Variants in GRK5 observed in about 807,000 individuals in gnomAD.
GRK5 encodes the protein G protein-coupled receptor kinase 5.
GRK5 carries 40 observed loss-of-function variants against 78.4 expected under a neutral mutation model. The observed-to-expected ratio is 0.51, with a 90% CI of 0.40 to 0.66. The LOEUF (loss-of-function observed/expected upper bound fraction) is 0.66, where lower values mean the gene tolerates loss of function less well. Among genes scored for constraint, GRK5 ranks in the 30% least tolerant of loss-of-function variants. The probability of loss-of-function intolerance (pLI) is 0.00; values close to 1 mark genes in which losing one functional copy is unlikely to be tolerated. For missense variants in GRK5, 598 were observed against 759.9 expected, an observed-to-expected ratio of 0.79 and a Z score of 2.50; for synonymous variants, 289 against 296.8, an observed-to-expected ratio of 0.97 and a Z score of 0.27.
At chr10:119,404,317 T>C (rs1852199406) in intron 4 of GRK5, among the ~76,000 whole-genome samples, 1 of 152,242 alleles carries the variant, frequency 6.6e-6, no homozygotes, top group Non-Finnish European at 1.5e-5. Context: ...GTAACTTCTG[T>C]GGGAAATGTC....
intron 1 of GRK5, among the ~76,000 whole-genome samples, chr10:119,307,205 A>G (rs1310863623): frequency 6.6e-6 from 1 of 152,102 alleles, no homozygotes; most frequent in Non-Finnish European, 1.5e-5. Context: ...TCCTGGAGTC[A>G]CACAGCTAGT....
Position 119,301,085 on chromosome 10 carries a change from T to C in GRK5, c.53-25431T>C, listed in dbSNP as rs556982996. ...TGCCACTGCACTCCAACCTGAGCAATAGAGGGAGACTCAGTCCCAAAAGAA... is the reference window on the plus strand; with the variant it reads ...TGCCACTGCACTCCAACCTGAGCAACAGAGGGAGACTCAGTCCCAAAAGAA... On this transcript the variant is annotated intron_variant, in intron 1 of 15. Transcript: ENST00000392870. Among the ~76,000 whole-genome samples the C allele has an allele frequency of 1.7e-4, 26 of 150,464 alleles. 1 individual carries two copies. The East Asian group carries it at 4.7e-3, about 27-fold the overall frequency.
chr10:119,316,383 A>G (rs1850486724), intron 1 of GRK5, among the ~76,000 whole-genome samples: 1 of 152,240 alleles, frequency 6.6e-6, no homozygotes. Context: ...CTGAAGACAT[A>G]GCAGCCTCAA....
chr10:119,339,534 G>A (rs570992944), intron 2 of GRK5, among the ~76,000 whole-genome samples: 5 of 152,286 alleles, frequency 3.3e-5, no homozygotes, highest in African/African-American at 9.6e-5. Context: ...GCAGGAGTGG[G>A]GGGTTGCAGG....
At chr10:119,447,130 T>C (rs1853167973) in intron 12 of GRK5, among the ~76,000 whole-genome samples, 1 of 152,206 alleles carries the variant, frequency 6.6e-6, no homozygotes, top group Admixed American at 6.5e-5. Flanking sequence ...TGGCTGGCCA[T>C]GGCTAGTCAA....
At position 119,424,862 on chromosome 10, in the gene GRK5, G is replaced by T. The variant is rs114390217; in HGVS notation, c.441-131G>T. On this transcript the variant is annotated intron_variant, in intron 5 of 15. Coordinates refer to ENST00000392870, the MANE Select transcript of GRK5 (RefSeq NM_005308.3). The stretch of plus-strand genomic sequence containing the variant: ...CCTCAGTAGAATGGCAGGACCTCTG[G>T]CCAGACGTGCTGCATCTGCATGGGT... 1,073 of 684,844 alleles carry T rather than the reference G, an allele frequency of 1.6e-3. 8 individuals carry two copies. The African/African-American group carries it at 0.017, about 11-fold the overall frequency. 42.4% of individuals were successfully genotyped at this position (684,844 alleles called of 1,614,324 possible).
At chr10:119,362,263 A>C (rs753016282) in intron 2 of GRK5, among the ~76,000 whole-genome samples, 8 of 152,360 alleles carry the variant, frequency 5.3e-5, no homozygotes, top group Non-Finnish European at 5.9e-5. Context: ...CCTTGTAAGT[A>C]AGTCAGTGTC....
chr10:119,352,994 G>A (rs868312101), intron 2 of GRK5, among the ~76,000 whole-genome samples: 13 of 152,368 alleles, frequency 8.5e-5, no homozygotes, highest in Middle Eastern at 6.8e-3. Context: ...TATCTCAGGA[G>A]GGTATGCTGG....
chr10:119,209,631 C>T lies in GRK5; in HGVS notation c.52+1662C>T, dbSNP rs532973217. Among the ~76,000 whole-genome samples, 18 of 151,942 alleles carry T rather than the reference C, an allele frequency of 1.2e-4. No individual in the cohort carries two copies. The South Asian group carries it at 3.3e-3, about 28-fold the overall frequency. On this transcript the variant is annotated intron_variant, in intron 1 of 15. Transcript: ENST00000392870. ...AGAAAACAGCCCTCCACCTCCCCCG[C>T]CCCTCTTTCAGCCTTTGCAGCTGGC...
chr10:119,271,979 A>T lies in GRK5; in HGVS notation c.53-54537A>T, dbSNP rs1040114308. Among the ~76,000 whole-genome samples the T allele has an allele frequency of 1.3e-5, 2 of 152,168 alleles. No individual in the cohort carries two copies. Among genetic ancestry groups the T allele is most frequent in the Non-Finnish European group, 2.9e-5 (2 of 68,006 alleles). On this transcript the variant is annotated intron_variant, in intron 1 of 15. Transcript: ENST00000392870. This position sits in a 1 kb window ranked among gnomAD's most constrained non-coding sequence, Gnocchi z 4.1. ...TGTTTTGTGGGCTTGCCACAGTCTCATGACTCTGCTGGGAAGAGCCTTCCT... is the reference window on the plus strand; with the variant it reads ...TGTTTTGTGGGCTTGCCACAGTCTCTTGACTCTGCTGGGAAGAGCCTTCCT...
Position 119,291,912 on chromosome 10 carries a change from C to T in GRK5, c.53-34604C>T, listed in dbSNP as rs1564879404. ...TCTGCTCATCTTCTTCCTCCTCCTC[C>T]TCTTCTTCTTCCTCCTTCTTTTCCT... On this transcript the variant is annotated intron_variant, in intron 1 of 15. Transcript: ENST00000392870. 6.0e-5 allele frequency among the ~76,000 whole-genome samples: 9 copies of T among 149,286 alleles called. No homozygotes were observed. In the East Asian group the frequency reaches 9.9e-4, roughly 16 times the overall value.
At chr10:119,275,584 C>T (rs184704607) in intron 1 of GRK5, among the ~76,000 whole-genome samples, 157 of 135,706 alleles carry the variant, frequency 1.2e-3, no homozygotes, top group African/African-American at 4.2e-3. Flanking sequence ...TGTGCGTGTG[C>T]ACGCTCTCTC....
chr10:119,312,875 G>C (rs1420338127), intron 1 of GRK5, among the ~76,000 whole-genome samples: 1 of 151,912 alleles, frequency 6.6e-6, no homozygotes, highest in African/African-American at 2.4e-5. Context: ...TTTGTCCCTT[G>C]CCAGCTCTGT....
chr10:119,314,149 G>C (rs10787953), intron 1 of GRK5, among the ~76,000 whole-genome samples: 105,551 of 152,180 alleles, frequency 0.69, 38,218 homozygotes, highest in Non-Finnish European at 0.79. Flanking sequence ...GCCCCGGTTC[G>C]CATCTACCCC....
chr10:119,447,672 C>G (rs537178684), intron 12 of GRK5, among the ~76,000 whole-genome samples: 2 of 152,330 alleles, frequency 1.3e-5, no homozygotes, highest in Non-Finnish European at 1.5e-5. Context: ...CCCCATGAGT[C>G]TGAGCACTCC....
chr10:119,360,449 CCTGTGTGAGTGGGAGGAGT>C (rs879549505), intron 2 of GRK5, among the ~76,000 whole-genome samples: 10,603 of 151,360 alleles, frequency 0.07, 802 homozygotes, highest in African/African-American at 0.19. Context: ...GTGGGAGGAG[CCTGTGTGAGTGGGAGGAGT>C]CTGTGTGAGT....
At chr10:119,340,853 GTGCTGTGCAAAT>G (rs1468611731) in intron 2 of GRK5, among the ~76,000 whole-genome samples, 1 of 152,246 alleles carries the variant, frequency 6.6e-6, no homozygotes, top group Non-Finnish European at 1.5e-5. Context: ...GCTTTGCAAA[GTGCTGTGCAAAT>G]TGCTGGCCAG....
intron 2 of GRK5, among the ~76,000 whole-genome samples, chr10:119,368,385 G>A (rs1013826014): frequency 1.3e-5 from 2 of 152,186 alleles, no homozygotes; most frequent in African/African-American, 2.4e-5. Flanking sequence ...TGCTGGGGGC[G>A]GGGGATGGCA....
chr10:119,413,724 A>C (rs1336190887), intron 4 of GRK5, among the ~76,000 whole-genome samples: 1 of 151,780 alleles, frequency 6.6e-6, no homozygotes, highest in African/African-American at 2.4e-5. Flanking sequence ...CCCCCACCTC[A>C]CAGTGTTGTT....
Sources: gnomAD v4.1 joint callset for allele counts (sites outside exome capture counted in the v4.1 genomes callset) on GRCh38, gnomAD v4.1.1 for gene constraint, Gnocchi (gnomAD v3.1) non-coding constraint, MANE v1.5 for transcripts, NCBI Gene and HGNC (gene_info 2026-07-23, HGNC 2026-07-21) for gene names.